Variants in P2RY12 observed in about 807,000 individuals in gnomAD.
The protein encoded by P2RY12 is P2Y purinoceptor 12.
In P2RY12, 3 loss-of-function variants were observed where a neutral mutation model predicts 4.5. The observed-to-expected ratio is 0.67, with a 90% CI of 0.31 to 1.74. The LOEUF (loss-of-function observed/expected upper bound fraction) is 1.74, where lower values mean the gene tolerates loss of function less well. Ranked by LOEUF, P2RY12 falls within the 40% of genes most tolerant of loss-of-function variation. The probability of loss-of-function intolerance (pLI) is 0.09; values close to 1 mark genes in which losing one functional copy is unlikely to be tolerated. For synonymous variants in P2RY12, 148 were observed against 154.1 expected, an observed-to-expected ratio of 0.96 and a Z score of 0.29; for missense variants, 356 against 407.8, an observed-to-expected ratio of 0.87 and a Z score of 1.09.
chr3:151,367,970 G>A (rs1317046740), intron 1 of P2RY12, among the ~76,000 whole-genome samples: 1 of 152,124 alleles, frequency 6.6e-6, no homozygotes, highest in Non-Finnish European at 1.5e-5. Flanking sequence ...AAACTGCTAT[G>A]TTACAGTCTG....
intron 1 of P2RY12, chr3:151,355,961 G>A: frequency 6.2e-7 from 1 of 1,614,002 alleles, no homozygotes; most frequent in Non-Finnish European, 8.5e-7. Flanking sequence ...ATCTCCCTTT[G>A]GCTCACCACA....
chr3:151,348,100 G>T (rs201233587), intron 1 of P2RY12, among the ~76,000 whole-genome samples: 1 of 152,208 alleles, frequency 6.6e-6, no homozygotes, highest in African/African-American at 2.4e-5. Flanking sequence ...ATTCATCCTT[G>T]TATTTTTTCA....
intron 1 of P2RY12, among the ~76,000 whole-genome samples, chr3:151,373,041 A>G (rs970550918): frequency 4.6e-5 from 7 of 152,160 alleles, no homozygotes; most frequent in Non-Finnish European, 1.0e-4. Context: ...TTTCTGAATC[A>G]TTTAAGAGTA....
chr3:151,343,095 G>A (rs556840103), intron 1 of P2RY12, among the ~76,000 whole-genome samples: 2 of 152,126 alleles, frequency 1.3e-5, no homozygotes, highest in African/African-American at 2.4e-5. Context: ...CCCACTAAGA[G>A]GCCCCAGTAG....
At chr3:151,358,915 T>G (rs1477513475) in intron 1 of P2RY12, among the ~76,000 whole-genome samples, 2 of 152,200 alleles carry the variant, frequency 1.3e-5, no homozygotes, top group Non-Finnish European at 2.9e-5. Context: ...ATTTTTCGCT[T>G]TATAGATAAT....
Position 151,337,396 on chromosome 3 carries a change from A to AT in P2RY12, c.*420dup, listed in dbSNP as rs200041386. 797 of 189,072 alleles carry AT rather than the reference A, an allele frequency of 4.2e-3. 3 individuals carry two copies. Among genetic ancestry groups the AT allele is most frequent in the Non-Finnish European group, 7.1e-3 (641 of 90,018 alleles). 11.7% of individuals were successfully genotyped at this position (189,072 alleles called of 1,614,324 possible). On this transcript the variant is annotated 3_prime_UTR_variant, in exon 3 of 3. Transcript: ENST00000302632. ...GGTTAGGGGACTAGGATATATATAC[A>AT]TTTTAACTATCATTTTTGGTAAGAA...
intron 1 of P2RY12, chr3:151,355,815 T>G (rs1753845720): frequency 7.6e-7 from 1 of 1,324,410 alleles, no homozygotes; most frequent in Non-Finnish European, 1.0e-6. Flanking sequence ...TTCAACTGTC[T>G]TAAAAAGTAA....
intron 1 of P2RY12, among the ~76,000 whole-genome samples, chr3:151,371,420 C>T (rs1024750494): frequency 6.6e-6 from 1 of 152,100 alleles, no homozygotes; most frequent in Middle Eastern, 3.2e-3. Flanking sequence ...TAAATGAAAT[C>T]CTGTGGGTAA....
chr3:151,336,993 C>G lies in P2RY12; in HGVS notation c.*824G>C, dbSNP rs1240706057. ...ATTTTTTTCACTAAGGTAAAATGTT[C>G]ATTAACCTAATTAGCAGCTATTTTC... On this transcript the variant is annotated 3_prime_UTR_variant, in exon 3 of 3. Coordinates refer to ENST00000302632, the MANE Select transcript of P2RY12 (RefSeq NM_022788.5). 4.6e-5 allele frequency: 7 copies of G among 152,088 alleles called. No homozygotes were observed. Among genetic ancestry groups the G allele is most frequent in the African/African-American group, 1.7e-4 (7 of 41,360 alleles). 9.4% of individuals were successfully genotyped at this position (152,088 alleles called of 1,614,324 possible).
intron 1 of P2RY12, chr3:151,360,731 T>C (rs1259466506): frequency 1.2e-6 from 1 of 810,470 alleles, no homozygotes; most frequent in Non-Finnish European, 2.0e-6. Flanking sequence ...GGCAGTAATT[T>C]TGATATACTC....
chr3:151,363,515 AT>A (rs1415764917), intron 1 of P2RY12, among the ~76,000 whole-genome samples: 1 of 152,170 alleles, frequency 6.6e-6, no homozygotes, highest in African/African-American at 2.4e-5. Context: ...GTGCTGGGTT[AT>A]TTCCATCAAG....
intron 2 of P2RY12, among the ~76,000 whole-genome samples, chr3:151,339,433 A>AAAC (rs1383250970): frequency 8.6e-6 from 1 of 115,670 alleles, no homozygotes; most frequent in African/African-American, 2.9e-5. Context: ...TGAATCAGTA[A>AAAC]AAAAAAAAAA....
intron 1 of P2RY12, among the ~76,000 whole-genome samples, chr3:151,344,674 G>A (rs1035862489): frequency 2.6e-5 from 4 of 152,172 alleles, no homozygotes; most frequent in African/African-American, 9.6e-5. Flanking sequence ...AGTATGAAGT[G>A]CCATATTTTG....
intron 1 of P2RY12, chr3:151,365,271 A>C: frequency 4.5e-6 from 6 of 1,347,118 alleles, no homozygotes; most frequent in Non-Finnish European, 6.4e-6. Flanking sequence ...CTTCTTTGAA[A>C]TTGATGTCGT....
intron 1 of P2RY12, chr3:151,376,271 AAG>A: frequency 1.6e-6 from 2 of 1,265,830 alleles, no homozygotes; most frequent in Non-Finnish European, 2.1e-6. Flanking sequence ...TAATAATAAA[AAG>A]AGTTACTTCC....
At chr3:151,383,024 A>G (rs553900841) in intron 1 of P2RY12, among the ~76,000 whole-genome samples, 1 of 152,314 alleles carries the variant, frequency 6.6e-6, no homozygotes, top group East Asian at 1.9e-4. Flanking sequence ...AGTTTGTGCT[A>G]AGAATAAATC....
chr3:151,376,336 A>G, intron 1 of P2RY12: 4 of 793,514 alleles, frequency 5.0e-6, no homozygotes, highest in Non-Finnish European at 7.3e-6. Context: ...TTTTATTCCC[A>G]CACATTTTCT....
chr3:151,346,584 C>T (rs57361678), intron 1 of P2RY12, among the ~76,000 whole-genome samples: 7,239 of 152,236 alleles, frequency 0.048, 186 homozygotes, highest in East Asian at 0.13. Flanking sequence ...CCTCACTGGA[C>T]GTTGTCAGTG....
rs761691241 is a variant in P2RY12, at chr3:151,360,455, C to T, written c.-179-19695G>A. ...AGTACAAATCTATGTCTTATTTCTT[C>T]GTATATTTTTCTCCTCAGGTTGTGT... On this transcript the variant is annotated intron_variant, in intron 1 of 2. Coordinates refer to ENST00000302632, the MANE Select transcript of P2RY12 (RefSeq NM_022788.5). The T allele has an allele frequency of 6.8e-6, 11 of 1,606,614 alleles. No individual in the cohort carries two copies. In the Admixed American group the frequency reaches 8.5e-5, roughly 12 times the overall value.
Sources: gnomAD v4.1 joint callset for allele counts (sites outside exome capture counted in the v4.1 genomes callset) on GRCh38, gnomAD v4.1.1 for gene constraint, MANE v1.5 for transcripts, NCBI Gene and HGNC (gene_info 2026-07-23, HGNC 2026-07-21) for gene names.